The following LRRC4C variants were observed in gnomAD, a reference collection of about 807,000 sequenced individuals.
The protein encoded by LRRC4C is leucine-rich repeat-containing protein 4C.
A neutral mutation model predicts 33.6 loss-of-function variants in LRRC4C; 5 were observed. The observed-to-expected ratio is 0.15, with a 90% confidence interval of 0.08 to 0.31. LRRC4C has a LOEUF of 0.31. LRRC4C is among the 10% of genes least tolerant of loss of function. LRRC4C has a pLI of 1.00. For missense variants in LRRC4C, 560 were observed against 796.7 expected, an observed-to-expected ratio of 0.70 and a Z score of 3.58; for synonymous variants, 329 against 302.0, an observed-to-expected ratio of 1.09 and a Z score of -0.93.
chr11:40,136,477 C>A (rs1022349087), intron 6 of LRRC4C, among the ~76,000 whole-genome samples: 6 of 150,538 alleles, frequency 4.0e-5, no homozygotes, highest in African/African-American at 1.5e-4. Flanking sequence ...CAGGTTTCAC[C>A]ATGTTAGCCA....
intron 2 of LRRC4C, among the ~76,000 whole-genome samples, chr11:40,720,819 T>C (rs7128610): frequency 0.042 from 6,426 of 152,280 alleles, 451 homozygotes; most frequent in African/African-American, 0.15. Flanking sequence ...GTATGATGTA[T>C]AGGTGTTATT....
intron 3 of LRRC4C, among the ~76,000 whole-genome samples, chr11:40,355,060 A>G (rs1315946426): frequency 6.6e-6 from 1 of 152,096 alleles, no homozygotes; most frequent in Non-Finnish European, 1.5e-5. Flanking sequence ...CAGGTGCTAA[A>G]TCGTGCCAGG....
chr11:40,342,770 A>G (rs1187765627), intron 3 of LRRC4C, among the ~76,000 whole-genome samples: 3 of 152,118 alleles, frequency 2.0e-5, no homozygotes, highest in African/African-American at 7.2e-5. Context: ...ACTTGCTTTA[A>G]TTCTCTTTTC....
chr11:40,210,245 TC>T (rs1393813758), intron 5 of LRRC4C, among the ~76,000 whole-genome samples: 7 of 149,176 alleles, frequency 4.7e-5, no homozygotes, highest in Non-Finnish European at 1.0e-4. Context: ...AGAGCGAGAC[TC>T]CGTCTCAAAA....
intron 2 of LRRC4C, among the ~76,000 whole-genome samples, chr11:40,730,982 C>T: frequency 6.6e-6 from 1 of 152,212 alleles, no homozygotes; most frequent in South Asian, 2.1e-4. Context: ...TGGTGTGATC[C>T]ACTTGTGATA....
At chr11:40,945,718 A>G (rs1437339299) in intron 1 of LRRC4C, among the ~76,000 whole-genome samples, 2 of 152,150 alleles carry the variant, frequency 1.3e-5, no homozygotes, top group Non-Finnish European at 1.5e-5. Context: ...CAATCCACCA[A>G]CCATGGGGAA....
intron 1 of LRRC4C, among the ~76,000 whole-genome samples, chr11:41,451,621 C>T (rs34288370): frequency 0.1 from 15,956 of 152,050 alleles, 1,142 homozygotes; most frequent in Non-Finnish European, 0.15. Flanking sequence ...GAAATAGCAT[C>T]AACCAGATGA....
chr11:40,350,630 G>T (rs1245010209), intron 3 of LRRC4C, among the ~76,000 whole-genome samples: 1 of 151,932 alleles, frequency 6.6e-6, no homozygotes, highest in Non-Finnish European at 1.5e-5. Context: ...TCTATGAAGA[G>T]TGCCATTGGT....
chr11:41,016,002 A>AC (rs1855562215), intron 1 of LRRC4C, among the ~76,000 whole-genome samples: 2 of 151,070 alleles, frequency 1.3e-5, no homozygotes, highest in Non-Finnish European at 2.9e-5. Context: ...TCCGTCTCAA[A>AC]AAACAACAAC....
chr11:40,247,755 T>G (rs1372616300), intron 4 of LRRC4C, among the ~76,000 whole-genome samples: 1 of 152,182 alleles, frequency 6.6e-6, no homozygotes, highest in Admixed American at 6.5e-5. Context: ...TCATGTCACC[T>G]TCCAGATATT....
intron 1 of LRRC4C, among the ~76,000 whole-genome samples, chr11:40,939,875 T>G (rs1958067683): frequency 1.3e-5 from 2 of 152,134 alleles, no homozygotes; most frequent in Non-Finnish European, 2.9e-5. Flanking sequence ...CAGAAATCAT[T>G]GTGATGACAG....
chr11:40,987,653 C>A (rs1178441432), intron 1 of LRRC4C, among the ~76,000 whole-genome samples: 2,609 of 23,744 alleles, frequency 0.11, 127 homozygotes, highest in East Asian at 0.17. Flanking sequence ...ATATATATAT[C>A]TCATATATAT....
At chr11:40,235,358 A>C (rs2136045249) in intron 5 of LRRC4C, among the ~76,000 whole-genome samples, 1 of 152,344 alleles carries the variant, frequency 6.6e-6, no homozygotes, top group East Asian at 1.9e-4. Context: ...TAATTTTCAC[A>C]GATTACTTTT....
intron 1 of LRRC4C, among the ~76,000 whole-genome samples, chr11:41,092,192 A>T (rs1457111792): frequency 6.6e-6 from 1 of 152,152 alleles, no homozygotes; most frequent in African/African-American, 2.4e-5. Flanking sequence ...ATTTTATGAT[A>T]AAGGTTATTT....
At chr11:41,347,964 T>C (rs1175164146) in intron 1 of LRRC4C, among the ~76,000 whole-genome samples, 1 of 152,222 alleles carries the variant, frequency 6.6e-6, no homozygotes, top group Non-Finnish European at 1.5e-5. Flanking sequence ...GAGTAGCTTA[T>C]GGGATTGTAG....
intron 2 of LRRC4C, among the ~76,000 whole-genome samples, chr11:40,770,706 C>T (rs1376878346): frequency 2.6e-5 from 4 of 152,130 alleles, no homozygotes; most frequent in South Asian, 2.1e-4. Context: ...GATCAATGCA[C>T]CCATTCCAAA....
chr11:40,509,228 T>G (rs1160252542), intron 3 of LRRC4C, among the ~76,000 whole-genome samples: 2 of 152,196 alleles, frequency 1.3e-5, no homozygotes, highest in Admixed American at 6.5e-5. Context: ...GAAATTCTAC[T>G]TGAAATATTA....
At chr11:40,516,496 A>G (rs1353190117) in intron 3 of LRRC4C, among the ~76,000 whole-genome samples, 1 of 152,052 alleles carries the variant, frequency 6.6e-6, no homozygotes, top group East Asian at 1.9e-4. Flanking sequence ...TAAATACCCT[A>G]TGCATTTGAT....
chr11:41,458,366 A>G (rs902859942), intron 1 of LRRC4C, among the ~76,000 whole-genome samples: 4 of 152,186 alleles, frequency 2.6e-5, no homozygotes, highest in Non-Finnish European at 5.9e-5. Context: ...AAACCTATTT[A>G]CAAGTGATTC....
Sources: gnomAD v4.1 joint callset for allele counts (sites outside exome capture counted in the v4.1 genomes callset) on GRCh38, gnomAD v4.1.1 for gene constraint, MANE v1.5 for transcripts, NCBI Gene and HGNC (gene_info 2026-07-23, HGNC 2026-07-21) for gene names.